KCNQ1: variants seen among roughly 807,000 people sequenced by gnomAD.
KCNQ1 encodes potassium voltage-gated channel subfamily KQT member 1.
Under a neutral mutation model 72.4 loss-of-function variants are expected in KCNQ1, and 49 were observed. The ratio of observed to expected loss-of-function variants is 0.68; its 90% CI spans 0.54 to 0.86. The LOEUF (loss-of-function observed/expected upper bound fraction) is 0.86. Among genes scored for constraint, KCNQ1 ranks in the 40% least tolerant of loss-of-function variants. The pLI, the probability that KCNQ1 is intolerant of heterozygous loss-of-function variation, is 0.00. For missense variants in KCNQ1, 790 were observed against 945.1 expected, an observed-to-expected ratio of 0.84 and a Z score of 2.15; for synonymous variants, 450 against 412.6, an observed-to-expected ratio of 1.09 and a Z score of -1.10.
chr11:2,640,554 G>A (rs977308858), intron 10 of KCNQ1: 1 of 346,956 alleles, frequency 2.9e-6, no homozygotes, highest in Non-Finnish European at 4.7e-6. Flanking sequence ...CCAAAGCACT[G>A]GGATTTCCTT....
chr11:2,446,618 G>A lies in KCNQ1; in HGVS notation c.386+1134G>A, dbSNP rs1279371858. On this transcript the variant is annotated intron_variant, in intron 1 of 15. Transcript: ENST00000155840. This position sits in a 1 kb window ranked among gnomAD's most constrained non-coding sequence, Gnocchi z 8.8. ...TTCAAGCATCGTCTCAGGTGAGGGG[G>A]TGGGGTAGGGGTCGCAGGGCTACTG... 6.6e-6 allele frequency among the ~76,000 whole-genome samples: 1 copy of A among 152,210 alleles called. No individual in the cohort carries two copies. Among genetic ancestry groups the A allele is most frequent in the Non-Finnish European group, 1.5e-5 (1 of 68,028 alleles).
At position 2,691,012 on chromosome 11, in the gene KCNQ1, G is replaced by A. The variant is rs577095860; in HGVS notation, c.1514+28931G>A. ...CATCAATGAAGTGGGCAAAAGCTCT[G>A]GGTGAACTCTTGGCTCAGGTATCAG... On this transcript the variant is annotated intron_variant, in intron 11 of 15. Coordinates refer to ENST00000155840, the MANE Select transcript of KCNQ1 (RefSeq NM_000218.3). The surrounding 1 kb of genome is among the most constrained non-coding windows in gnomAD (Gnocchi z 6.4). 4 of 398,658 alleles carry A rather than the reference G, an allele frequency of 1.0e-5. No homozygotes were observed. The highest frequency in any genetic ancestry group is 2.5e-4 in the South Asian group (2 of 7,856). 24.7% of individuals were successfully genotyped at this position (398,658 alleles called of 1,614,324 possible).
Position 2,491,103 on chromosome 11 carries a change from C to A in KCNQ1, c.387-36825C>A, listed in dbSNP as rs199926531. Among the ~76,000 whole-genome samples, 8 of 152,302 alleles carry A rather than the reference C, an allele frequency of 5.3e-5. No homozygotes were observed. In the East Asian group the frequency reaches 7.7e-4, roughly 15 times the overall value. On this transcript the variant is annotated intron_variant, in intron 1 of 15. Transcript: ENST00000155840. This position sits in a 1 kb window ranked among gnomAD's most constrained non-coding sequence, Gnocchi z 4.1. Reference sequence around the variant, plus strand: ...CGGCTTAGATCACAACACCCAAGTCCCTTTGAATACCTGGAAAGCTTTACC... The same window carrying A: ...CGGCTTAGATCACAACACCCAAGTCACTTTGAATACCTGGAAAGCTTTACC...
intron 15 of KCNQ1, among the ~76,000 whole-genome samples, chr11:2,834,878 C>T: frequency 6.6e-6 from 1 of 152,198 alleles, no homozygotes; most frequent in East Asian, 1.9e-4. Flanking sequence ...TCTCCCTCCC[C>T]ACGAGGCTCC....
At chr11:2,500,639 G>T (rs1181504896) in intron 1 of KCNQ1, among the ~76,000 whole-genome samples, 6 of 152,146 alleles carry the variant, frequency 3.9e-5, no homozygotes, top group Non-Finnish European at 7.3e-5. Context: ...GCCCATCAAT[G>T]ATAGGCTGGA....
At position 2,723,082 on chromosome 11, in the gene KCNQ1, A is replaced by AG. The variant is rs1212714779; in HGVS notation, c.1515-45756dup. ...CCAGGGTGGTCTGAGCGGAGAGGACAGGGGGGATCCCAGACGGATCCTGAA... is the reference window on the plus strand; with the variant it reads ...CCAGGGTGGTCTGAGCGGAGAGGACAGGGGGGGATCCCAGACGGATCCTGAA... On this transcript the variant is annotated intron_variant, in intron 11 of 15. Coordinates refer to ENST00000155840, the MANE Select transcript of KCNQ1 (RefSeq NM_000218.3). This position sits in a 1 kb window ranked among gnomAD's most constrained non-coding sequence, Gnocchi z 4.2. Among the ~76,000 whole-genome samples the AG allele has an allele frequency of 3.3e-5, 5 of 152,290 alleles. No individual in the cohort carries two copies. In the East Asian group the frequency reaches 7.7e-4, roughly 24 times the overall value.
intron 11 of KCNQ1, among the ~76,000 whole-genome samples, chr11:2,719,173 T>A (rs1189042755): frequency 9.9e-4 from 1 of 1,006 alleles, no homozygotes; most frequent in Non-Finnish European, 2.5e-3. Flanking sequence ...TTGTCTCTCA[T>A]TGGGGGTAAC....
intron 6 of KCNQ1, among the ~76,000 whole-genome samples, chr11:2,581,502 G>A (rs179492): frequency 1.3e-5 from 2 of 152,346 alleles, no homozygotes; most frequent in African/African-American, 4.8e-5. Context: ...GGTTCCCCCA[G>A]GGCCCCCCTC....
In KCNQ1 at chr11:2,479,387, T is replaced by G. The variant is rs1846620625; in HGVS notation, c.386+33903T>G. On this transcript the variant is annotated intron_variant, in intron 1 of 15. Coordinates refer to ENST00000155840, the MANE Select transcript of KCNQ1 (RefSeq NM_000218.3). This position sits in a 1 kb window ranked among gnomAD's most constrained non-coding sequence, Gnocchi z 4.6. Reference sequence around the variant, plus strand: ...CTGCCTGGACATCCAGGCATTTCCATACATCTCTGAAATCTAGGCAGAGCT... The same window carrying G: ...CTGCCTGGACATCCAGGCATTTCCAGACATCTCTGAAATCTAGGCAGAGCT... Among the ~76,000 whole-genome samples, 1 of 152,224 alleles carries G rather than the reference T, an allele frequency of 6.6e-6. No homozygotes were observed. Among genetic ancestry groups the G allele is most frequent in the Non-Finnish European group, 1.5e-5 (1 of 68,040 alleles).
chr11:2,784,101 G>A lies in KCNQ1; in HGVS notation c.1794+6064G>A, dbSNP rs1406970474. 6.6e-6 allele frequency among the ~76,000 whole-genome samples: 1 copy of A among 151,722 alleles called. No individual in the cohort carries two copies. The highest frequency in any genetic ancestry group is 1.9e-4 in the East Asian group (1 of 5,192). On this transcript the variant is annotated intron_variant, in intron 15 of 15. Transcript: ENST00000155840. This position sits in a 1 kb window ranked among gnomAD's most constrained non-coding sequence, Gnocchi z 4.7. ...TAAACATTTTCTCCTGTTTTGTTTT[G>A]GGTTTTTTTCCTTCTAGAAGTTGTA...
At chr11:2,607,672 T>C (rs1336813041) in intron 10 of KCNQ1, among the ~76,000 whole-genome samples, 3 of 152,244 alleles carry the variant, frequency 2.0e-5, no homozygotes, top group Non-Finnish European at 4.4e-5. Context: ...AGCCACCAGT[T>C]CGTGATACTT....
Position 2,572,963 on chromosome 11 carries a change from G to T in KCNQ1, c.898G>T (p.Ala300Ser), listed in dbSNP as rs120074187. The T allele has an allele frequency of 6.2e-7, 1 of 1,613,742 alleles. No homozygotes were observed. The highest frequency in any genetic ancestry group is 8.5e-7 in the Non-Finnish European group (1 of 1,179,978). Residue 300 changes from alanine to serine, a missense_variant, in exon 6 of 16, where the codon GCA becomes TCA. This residue lies in a region of KCNQ1 where 133 missense variants were observed against 219.5 expected (regional missense o/e 0.61). Transcript: ENST00000155840. ...ESGRVEFGSY[A>S]DALWWGVVTV... ...AGGCCGCGTGGAGTTCGGCAGCTAC[G>T]CAGATGCGCTGTGGTGGGGGGTGGT...
At chr11:2,665,597 C>A in intron 11 of KCNQ1, 1 of 396,924 alleles carries the variant, frequency 2.5e-6, no homozygotes, top group Non-Finnish European at 4.4e-6. Flanking sequence ...CAGTAAACCC[C>A]CCAGGACACA....
chr11:2,454,222 C>T (rs1000345964), intron 1 of KCNQ1, among the ~76,000 whole-genome samples: 7 of 149,904 alleles, frequency 4.7e-5, no homozygotes, highest in African/African-American at 1.5e-4. Context: ...AAAAGGGTGG[C>T]GGGGGGGGAG....
At chr11:2,575,393 C>G (rs1204872024) in intron 6 of KCNQ1, among the ~76,000 whole-genome samples, 2 of 152,136 alleles carry the variant, frequency 1.3e-5, no homozygotes, top group Non-Finnish European at 2.9e-5. Flanking sequence ...GGCTGTGGGG[C>G]AAACAGCTCC....
At position 2,815,346 on chromosome 11, in the gene KCNQ1, G is replaced by A. The variant is rs531319158; in HGVS notation, c.1795-32421G>A. ...ACCCCACTGGACCTCTGTGCTTTCT[G>A]GTGGGGGGCTTGTCAGGGAGCTCAT... On this transcript the variant is annotated intron_variant, in intron 15 of 15. Transcript: ENST00000155840. The surrounding 1 kb of genome is among the most constrained non-coding windows in gnomAD (Gnocchi z 5.4). 2.0e-5 allele frequency among the ~76,000 whole-genome samples: 3 copies of A among 152,240 alleles called. No individual in the cohort carries two copies. The highest frequency in any genetic ancestry group is 2.1e-4 in the South Asian group (1 of 4,824).
chr11:2,775,462 G>A (rs369397119), intron 12 of KCNQ1, among the ~76,000 whole-genome samples: 7 of 152,354 alleles, frequency 4.6e-5, no homozygotes, highest in African/African-American at 9.6e-5. Context: ...TGCCAGGAAC[G>A]ATGCAGAGGA....
intron 12 of KCNQ1, among the ~76,000 whole-genome samples, chr11:2,773,819 C>A (rs576145619): frequency 2.6e-5 from 4 of 151,442 alleles, no homozygotes; most frequent in African/African-American, 7.3e-5. Flanking sequence ...GCATCTCCAT[C>A]TTACAGGAGA....
Position 2,564,723 on chromosome 11 carries a change from C to A in KCNQ1, c.478-5905C>A, listed in dbSNP as rs1247459694. 6.6e-6 allele frequency among the ~76,000 whole-genome samples: 1 copy of A among 152,228 alleles called. No homozygotes were observed. Among genetic ancestry groups the A allele is most frequent in the Non-Finnish European group, 1.5e-5 (1 of 68,044 alleles). On this transcript the variant is annotated intron_variant, in intron 2 of 15. Transcript: ENST00000155840. The surrounding 1 kb of genome is among the most constrained non-coding windows in gnomAD (Gnocchi z 4.5). The stretch of plus-strand genomic sequence containing the variant: ...TGCAAAACTGATGAAAGTCTGTCCC[C>A]ATTAAACACTCACTCCCTACTCCCC...
Sources: gnomAD v4.1 joint callset for allele counts (sites outside exome capture counted in the v4.1 genomes callset) on GRCh38, gnomAD v4.1.1 for gene constraint, gnomAD v4.1.1 regional missense constraint, Gnocchi (gnomAD v3.1) non-coding constraint, MANE v1.5 for transcripts, NCBI Gene and HGNC (gene_info 2026-07-23, HGNC 2026-07-21) for gene names.